Variants in DLG5 observed in about 807,000 individuals in gnomAD.
The protein encoded by DLG5 is discs large MAGUK scaffold protein 5, also known as disks large homolog 5.
DLG5 carries 48 observed loss-of-function variants against 189.8 expected under a neutral mutation model. The observed-to-expected ratio is 0.25, with a 90% CI of 0.20 to 0.32. The LOEUF is 0.32. DLG5 is among the 10% of genes least tolerant of loss of function. The pLI, the probability that DLG5 is intolerant of heterozygous loss-of-function variation, is 1.00. For missense variants in DLG5, 2,160 were observed against 2,544.7 expected (o/e 0.85, Z 3.25); for synonymous variants, 1,016 against 1,054.1 (o/e 0.96, Z 0.70).
intron 1 of DLG5, among the ~76,000 whole-genome samples, chr10:77,870,655 A>C (rs1844860158): frequency 6.6e-6 from 1 of 152,118 alleles, no homozygotes; most frequent in African/African-American, 2.4e-5. Flanking sequence ...ACTGCACTTC[A>C]GCCTGGGCAA....
At chr10:77,818,422 C>A (rs1842171399) in intron 17 of DLG5, among the ~76,000 whole-genome samples, 1 of 152,224 alleles carries the variant, frequency 6.6e-6, no homozygotes. Context: ...TTAAACTCTA[C>A]AGTGGTCTCC....
At chr10:77,940,135 G>A in the DLG5 span, among the ~76,000 whole-genome samples, 1 of 152,148 alleles carries the variant, frequency 6.6e-6, no homozygotes, top group African/African-American at 2.4e-5. Flanking sequence ...AGGACCAATT[G>A]GAGGAAGCCA....
chr10:77,832,880 T>G lies in DLG5; in HGVS notation c.1748+1034A>C, dbSNP rs1842946079. 2.0e-5 allele frequency among the ~76,000 whole-genome samples: 3 copies of G among 152,238 alleles called. No homozygotes were observed. In the South Asian group the frequency reaches 6.2e-4, roughly 32 times the overall value. The stretch of plus-strand genomic sequence containing the variant: ...GCCTTGCCTCTTAACCCCTATAATA[T>G]TCCTGAGAGCACCCAAGCTCCAGAG... On this transcript the variant is annotated intron_variant, in intron 9 of 31. Coordinates refer to ENST00000372391, the MANE Select transcript of DLG5 (RefSeq NM_004747.4).
chr10:77,801,839 A>G (rs957851074), intron 27 of DLG5, among the ~76,000 whole-genome samples: 1 of 152,276 alleles, frequency 6.6e-6, no homozygotes, highest in African/African-American at 2.4e-5. Flanking sequence ...AGATCCCATG[A>G]GCATTACACC....
intron 20 of DLG5, among the ~76,000 whole-genome samples, chr10:77,815,176 G>T (rs1004898077): frequency 6.6e-6 from 1 of 152,236 alleles, no homozygotes; most frequent in African/African-American, 2.4e-5. Context: ...TCTGTGGCCA[G>T]GGCCGGGGCT....
In DLG5 at chr10:77,819,410, G is replaced by A. The variant is rs777890185; in HGVS notation, c.3582C>T (p.Asn1194=). The A allele has an allele frequency of 2.5e-6, 4 of 1,613,946 alleles. No individual in the cohort carries two copies. In the African/African-American group the frequency reaches 5.3e-5, roughly 22 times the overall value. ...PSTTVSSILR[N]PIYTVRSHRV... is the part of the protein sequence containing the mutation. ...TGTGACTGCGCACAGTGTAGATGGGGTTCCGCAGGATGGAGCTCACAGTGG... is the reference window on the plus strand; with the variant it reads ...TGTGACTGCGCACAGTGTAGATGGGATTCCGCAGGATGGAGCTCACAGTGG... The change falls in exon 17 of 32, where the codon AAC becomes AAT. Residue 1194 remains asparagine, a synonymous_variant. Coordinates refer to ENST00000372391, the MANE Select transcript of DLG5 (RefSeq NM_004747.4).
chr10:77,911,083 T>C lies in DLG5; in HGVS notation c.304+15134A>G, dbSNP rs190933343. Among the ~76,000 whole-genome samples, 5 of 151,634 alleles carry C rather than the reference T, an allele frequency of 3.3e-5. No individual in the cohort carries two copies. The East Asian group carries it at 9.7e-4, about 29-fold the overall frequency. ...GAATGAGAATAGAGGTTACCATGAA[T>C]ACTGAAAAGGCCACTATATATTTTT... is the stretch of plus-strand genomic sequence containing the variant. On this transcript the variant is annotated intron_variant, in intron 1 of 31. Coordinates refer to ENST00000372391, the MANE Select transcript of DLG5 (RefSeq NM_004747.4).
chr10:77,816,713 A>G lies in DLG5; in HGVS notation c.3875-12T>C, dbSNP rs1190532007. ...ATGTGACACTGAACCTGCAGAGAGG[A>G]GCGGGTAATGCCGGTGTGAACTCCC... On this transcript the variant is annotated splice_polypyrimidine_tract_variant and intron_variant, in intron 19 of 31. Transcript: ENST00000372391. The G allele has an allele frequency of 3.1e-6, 5 of 1,595,056 alleles. No individual in the cohort carries two copies. Among genetic ancestry groups the G allele is most frequent in the African/African-American group, 1.3e-5 (1 of 74,700 alleles).
chr10:77,853,954 G>C (rs942408444), intron 4 of DLG5, among the ~76,000 whole-genome samples: 1 of 152,214 alleles, frequency 6.6e-6, no homozygotes, highest in Non-Finnish European at 1.5e-5. Context: ...GAGACCCAGA[G>C]GCCTGCCTGA....
intron 5 of DLG5, chr10:77,846,769 A>T (rs1320490293): frequency 1.1e-5 from 5 of 455,512 alleles, no homozygotes; most frequent in South Asian, 7.8e-5. Context: ...CATTGGCTCC[A>T]AATGAGTCTG....
At chr10:77,926,885 C>T (rs1429690026), upstream of DLG5, 1 of 333,788 alleles carries the variant, frequency 3.0e-6, no homozygotes, top group Non-Finnish European at 6.2e-6. The surrounding 1 kb of genome is among the most constrained non-coding windows in gnomAD (Gnocchi z 5.2). Flanking sequence ...CGCGCGCCGC[C>T]CGCCCCGCGA....
chr10:77,830,493 G>A, intron 10 of DLG5, 149 bp from the exon 11 acceptor site: 1 of 1,328,462 alleles, frequency 7.5e-7, no homozygotes, highest in Non-Finnish European at 1.0e-6. Flanking sequence ...GGAAACCTAT[G>A]AGTATCTGCA....
rs747244996 is a variant in DLG5, at chr10:77,854,308, G to A, written c.599C>T (p.Ser200Leu). The change falls in exon 4 of 32, where the codon TCG becomes TTG. Residue 200 changes from serine to leucine, a missense_variant. Coordinates refer to ENST00000372391, the MANE Select transcript of DLG5 (RefSeq NM_004747.4). ...RLKIQCVRAM[S>L]DLQSLQNQHT... ...CTGGTTCTGCAGGCTCTGCAGGTCC[G>A]ACATGGCTCGCACGCACTGGATCTT... 6.8e-6 allele frequency: 11 copies of A among 1,614,052 alleles called. No individual in the cohort carries two copies. Among genetic ancestry groups the A allele is most frequent in the South Asian group, 2.2e-5 (2 of 91,086 alleles).
chr10:77,843,810 G>A (rs1256322295), intron 5 of DLG5, 104 bp from the exon 6 acceptor site: 80 of 1,487,342 alleles, frequency 5.4e-5, no homozygotes, highest in Non-Finnish European at 6.5e-5. Flanking sequence ...ATGACAAGGC[G>A]GTTGGGGGGA....
chr10:77,800,587 C>T lies in DLG5; in HGVS notation c.5165-3993G>A, dbSNP rs763805718. On this transcript the variant is annotated intron_variant, in intron 27 of 31. Transcript: ENST00000372391. ...GCCGCCGCTGAGGGCTGAGAACCCA[C>T]GAAAAGTTTCTGAAAATCTCCAAAG... 7.2e-4 allele frequency among the ~76,000 whole-genome samples: 109 copies of T among 152,024 alleles called. 1 individual carries two copies. The highest frequency in any genetic ancestry group is 1.4e-3 in the Non-Finnish European group (92 of 68,006).
At chr10:77,810,987 T>C in intron 23 of DLG5, 107 bp downstream of exon 23, 2 of 1,413,948 alleles carry the variant, frequency 1.4e-6, no homozygotes, top group South Asian at 1.4e-5. Context: ...GTGTGCGGCC[T>C]GCAGCACATG....
intron 1 of DLG5, among the ~76,000 whole-genome samples, chr10:77,871,564 ACAG>A (rs746342228): frequency 0.011 from 560 of 53,016 alleles, 4 homozygotes; most frequent in Non-Finnish European, 0.014. Context: ...TTTTTTTGAG[ACAG>A]AGTCTTGCAC....
chr10:77,853,256 A>G, intron 5 of DLG5, 98 bp downstream of exon 5: 1 of 1,199,300 alleles, frequency 8.3e-7, no homozygotes, highest in Non-Finnish European at 1.1e-6. Flanking sequence ...ATGTGAGCCA[A>G]CGTGCCCGGC....
At chr10:77,896,986 G>A (rs2801828) in intron 1 of DLG5, among the ~76,000 whole-genome samples, 49,653 of 151,674 alleles carry the variant, frequency 0.33, 8,594 homozygotes, top group Admixed American at 0.41. Flanking sequence ...CAGAAAATTC[G>A]AAGAAAAATA....
Sources: gnomAD v4.1 joint callset for allele counts (sites outside exome capture counted in the v4.1 genomes callset) on GRCh38, gnomAD v4.1.1 for gene constraint, Gnocchi (gnomAD v3.1) non-coding constraint, MANE v1.5 for transcripts, NCBI Gene and HGNC (gene_info 2026-07-23, HGNC 2026-07-21) for gene names.